The following SYT14 variants were observed in gnomAD, a reference collection of about 807,000 sequenced individuals.
SYT14 encodes synaptotagmin 14.
In SYT14, 32 loss-of-function variants were observed where a neutral mutation model predicts 74.2. The observed-to-expected ratio is 0.43, with a 90% CI of 0.33 to 0.58. SYT14 has a LOEUF of 0.58. SYT14 is among the 20% of genes least tolerant of loss of function. SYT14 has a pLI of 0.05. For synonymous variants in SYT14, 298 were observed against 337.7 expected, an observed-to-expected ratio of 0.88 and a Z score of 1.29; for missense variants, 791 against 981.8, an observed-to-expected ratio of 0.81 and a Z score of 2.60.
intron 2 of SYT14, among the ~76,000 whole-genome samples, chr1:209,981,236 G>A (rs1308062666): frequency 6.6e-6 from 1 of 151,978 alleles, no homozygotes; most frequent in East Asian, 1.9e-4. Flanking sequence ...ACTTTATTAT[G>A]TTTTTGTGGT....
At chr1:210,091,684 A>AT (rs1237320277) in intron 5 of SYT14, among the ~76,000 whole-genome samples, 16 of 152,270 alleles carry the variant, frequency 1.1e-4, no homozygotes, top group African/African-American at 3.9e-4. Flanking sequence ...TTGTACCAAC[A>AT]TTCTTTCTCT....
chr1:210,077,279 G>T (rs1391788557), intron 5 of SYT14, among the ~76,000 whole-genome samples: 1 of 151,982 alleles, frequency 6.6e-6, no homozygotes, highest in Non-Finnish European at 1.5e-5. Flanking sequence ...AAACAACCAG[G>T]TCTCAGGAGT....
chr1:210,088,929 T>C (rs1299553495), intron 5 of SYT14, among the ~76,000 whole-genome samples: 1 of 151,978 alleles, frequency 6.6e-6, no homozygotes, highest in African/African-American at 2.4e-5. Context: ...GTGCAGAACA[T>C]GCAGGTTTGT....
chr1:210,071,061 G>A (rs2081385325), intron 5 of SYT14, among the ~76,000 whole-genome samples: 1 of 151,444 alleles, frequency 6.6e-6, no homozygotes. Context: ...TATAAGCCTA[G>A]TAATACCATT....
intron 2 of SYT14, among the ~76,000 whole-genome samples, chr1:209,976,807 T>A (rs1291793453): frequency 1.3e-5 from 2 of 152,196 alleles, no homozygotes; most frequent in South Asian, 2.1e-4. Flanking sequence ...CAGTGGGGTG[T>A]TAAAGTCTCC....
intron 7 of SYT14, among the ~76,000 whole-genome samples, chr1:210,112,299 G>A (rs1051039485): frequency 2.6e-5 from 4 of 151,264 alleles, no homozygotes; most frequent in Admixed American, 6.6e-5. Flanking sequence ...AACAATCCCT[G>A]AGGAGGAGTG....
At chr1:210,040,696 A>G (rs757445549) in intron 5 of SYT14, among the ~76,000 whole-genome samples, 1 of 152,156 alleles carries the variant, frequency 6.6e-6, no homozygotes, top group Non-Finnish European at 1.5e-5. Flanking sequence ...TCTTTATGGT[A>G]TGCATCTTCC....
At chr1:210,049,029 G>T (rs2080938883) in intron 5 of SYT14, among the ~76,000 whole-genome samples, 2 of 152,202 alleles carry the variant, frequency 1.3e-5, no homozygotes, top group South Asian at 4.1e-4. Context: ...CTGATGCAAG[G>T]GGTGGGTTCC....
chr1:210,155,797 G>T (rs867862772), exon 8 of SYT14: 1 of 1,613,992 alleles, frequency 6.2e-7, no homozygotes, highest in Non-Finnish European at 8.5e-7. Flanking sequence ...CTTGAACATG[G>T]CTCAGTTCCA....
intron 6 of SYT14, among the ~76,000 whole-genome samples, chr1:210,098,052 G>A (rs1028154631): frequency 2.0e-5 from 3 of 151,998 alleles, no homozygotes; most frequent in African/African-American, 7.3e-5. Context: ...GTGTATGCCT[G>A]TGATTCCAGC....
At chr1:210,088,035 CTT>C (rs1436882108) in intron 5 of SYT14, among the ~76,000 whole-genome samples, 1 of 152,066 alleles carries the variant, frequency 6.6e-6, no homozygotes, top group Non-Finnish European at 1.5e-5. Context: ...GGACTCGTCT[CTT>C]CTAGTAGTTT....
intron 6 of SYT14, among the ~76,000 whole-genome samples, chr1:210,098,003 G>A (rs1336727380): frequency 6.6e-6 from 1 of 151,910 alleles, no homozygotes; most frequent in Non-Finnish European, 1.5e-5. Flanking sequence ...ATAGACTTTT[G>A]TCTCTACTAA....
rs2081520121 is a variant in SYT14, at chr1:210,077,263, C to T, written c.1313-17059C>T. On this transcript the variant is annotated intron_variant, in intron 5 of 9. Coordinates refer to ENST00000637265, the Ensembl canonical transcript of SYT14. ...GAGTCGGTGGGGGGGAGATGCCACACACTTAAAACAACCAGGTCTCAGGAG... is the reference window on the plus strand; with the variant it reads ...GAGTCGGTGGGGGGGAGATGCCACATACTTAAAACAACCAGGTCTCAGGAG... Among the ~76,000 whole-genome samples, 3 of 152,016 alleles carry T rather than the reference C, an allele frequency of 2.0e-5. No individual in the cohort carries two copies. The South Asian group carries it at 6.2e-4, about 32-fold the overall frequency.
intron 7 of SYT14, among the ~76,000 whole-genome samples, chr1:210,136,895 C>T (rs1409197746): frequency 6.6e-6 from 1 of 151,538 alleles, no homozygotes; most frequent in Non-Finnish European, 1.5e-5. Context: ...CACATTAAGT[C>T]AGAGAGATGT....
chr1:210,004,259 G>A (rs1572144449), intron 2 of SYT14, among the ~76,000 whole-genome samples: 2 of 151,870 alleles, frequency 1.3e-5, no homozygotes. Context: ...ATATATTGAG[G>A]TCCTTAGTGT....
chr1:210,105,310 A>G (rs1399482213), intron 7 of SYT14, among the ~76,000 whole-genome samples: 6 of 152,194 alleles, frequency 3.9e-5, no homozygotes, highest in African/African-American at 1.4e-4. Context: ...TCTCTGCAAA[A>G]GCAGCATAGA....
chr1:210,040,423 C>T (rs935230842), intron 5 of SYT14, among the ~76,000 whole-genome samples: 9 of 151,676 alleles, frequency 5.9e-5, no homozygotes, highest in East Asian at 5.8e-4. Context: ...ATGTAGAAGA[C>T]GGGTTGATGG....
At position 210,067,507 on chromosome 1, in the gene SYT14, T is replaced by A. The variant is rs150457575; in HGVS notation, c.1313-26815T>A. Among the ~76,000 whole-genome samples, 1,338 of 152,116 alleles carry A rather than the reference T, an allele frequency of 8.8e-3. 15 individuals are homozygous for A. The highest frequency in any genetic ancestry group is 0.03 in the African/African-American group (1,265 of 41,552). On this transcript the variant is annotated intron_variant, in intron 5 of 9. Coordinates refer to ENST00000637265, the Ensembl canonical transcript of SYT14. ...TCAGTTTTCAGATGTTTTATTCATGTTGTGTCATGCGTTAGAATTTCATAT... is the reference window on the plus strand; with the variant it reads ...TCAGTTTTCAGATGTTTTATTCATGATGTGTCATGCGTTAGAATTTCATAT...
chr1:209,966,096 G>C (rs1348703044), intron 2 of SYT14: 1 of 352,290 alleles, frequency 2.8e-6, no homozygotes, highest in African/African-American at 2.2e-5. Flanking sequence ...GGTCTCGATC[G>C]CTTGATCTCA....
Sources: gnomAD v4.1 joint callset for allele counts (sites outside exome capture counted in the v4.1 genomes callset) on GRCh38, gnomAD v4.1.1 for gene constraint, MANE v1.5 for transcripts, NCBI Gene and HGNC (gene_info 2026-07-23, HGNC 2026-07-21) for gene names.